LYPLAL1: variants seen among roughly 807,000 people sequenced by gnomAD.
LYPLAL1 encodes the protein lysophospholipase-like protein 1.
LYPLAL1 carries 23 observed loss-of-function variants against 19.7 expected under a neutral mutation model. The observed-to-expected ratio is 1.17, with a 90% CI of 0.84 to 1.65. The LOEUF is 1.65. LYPLAL1 is among the 40% of genes most tolerant of loss of function. LYPLAL1 has a pLI of 0.00. For missense variants in LYPLAL1, 355 were observed against 279.4 expected (o/e 1.27, Z -1.93); for synonymous variants, 119 against 96.3 (o/e 1.24, Z -1.38).
At chr1:219,443,146 A>G in the LYPLAL1 span, among the ~76,000 whole-genome samples, 1 of 151,964 alleles carries the variant, frequency 6.6e-6, no homozygotes, top group Non-Finnish European at 1.5e-5. Context: ...TTTCTTCATG[A>G]AGCAAGGTTA....
chr1:219,260,505 G>A, the LYPLAL1 span, among the ~76,000 whole-genome samples: 1 of 151,374 alleles, frequency 6.6e-6, no homozygotes, highest in Admixed American at 6.6e-5. Context: ...TGAATTACAA[G>A]AAATACTTGA....
chr1:219,212,966 A>G (rs1659153399), downstream of LYPLAL1: 1 of 152,094 alleles, frequency 6.6e-6, no homozygotes, highest in African/African-American at 2.4e-5. Context: ...AGAAATAGCC[A>G]ACTCTTTGAG....
At chr1:219,266,076 A>G in the LYPLAL1 span, among the ~76,000 whole-genome samples, 1 of 152,014 alleles carries the variant, frequency 6.6e-6, no homozygotes, top group Non-Finnish European at 1.5e-5. Context: ...AGTTAATTTA[A>G]ATTTTTTCTT....
At chr1:219,410,718 G>GTGGGCT in the LYPLAL1 span, among the ~76,000 whole-genome samples, 1,400 of 152,350 alleles carry the variant, frequency 9.2e-3, 30 homozygotes, top group African/African-American at 0.032. Flanking sequence ...CCTGGTGGGC[G>GTGGGCT]TGGGCTTGGT....
At chr1:219,370,613 G>A in the LYPLAL1 span, among the ~76,000 whole-genome samples, 3 of 152,192 alleles carry the variant, frequency 2.0e-5, no homozygotes, top group African/African-American at 7.2e-5. Flanking sequence ...AGAAGGCTGG[G>A]GATAAGATTT....
At chr1:219,231,398 G>A in the LYPLAL1 span, among the ~76,000 whole-genome samples, 6 of 151,958 alleles carry the variant, frequency 3.9e-5, no homozygotes, top group African/African-American at 1.2e-4. Context: ...GTCATTCTCC[G>A]GACTAAAAAT....
At chr1:219,241,600 C>G in the LYPLAL1 span, among the ~76,000 whole-genome samples, 2 of 152,076 alleles carry the variant, frequency 1.3e-5, no homozygotes, top group African/African-American at 2.4e-5. Context: ...TGACCCAGTA[C>G]AATTTCTCAG....
chr1:219,399,418 T>C, the LYPLAL1 span, among the ~76,000 whole-genome samples: 1 of 152,116 alleles, frequency 6.6e-6, no homozygotes, highest in Non-Finnish European at 1.5e-5. Flanking sequence ...GCAATGGCAG[T>C]TGCCAGGATA....
Position 219,211,548 on chromosome 1 carries a change from A to G in LYPLAL1, c.534A>G (p.Ala178=). 1 of 1,613,370 alleles carries G rather than the reference A, an allele frequency of 6.2e-7. No homozygotes were observed. The highest frequency in any genetic ancestry group is 8.5e-7 in the Non-Finnish European group (1 of 1,179,468). ...AATTATTTCAGTGTCATGGTACTGC[A>G]GATGAGTTAGTTCTTCATTCTTGGG... The part of the protein sequence containing the change: ...LPELFQCHGT[A]DELVLHSWAE... Residue 178 remains alanine, a synonymous_variant, in exon 5 of 5, where the codon GCA becomes GCG. Coordinates refer to ENST00000366928, the MANE Select transcript of LYPLAL1 (RefSeq NM_138794.5).
At chr1:219,285,841 T>C in the LYPLAL1 span, among the ~76,000 whole-genome samples, 1 of 152,212 alleles carries the variant, frequency 6.6e-6, no homozygotes, top group Non-Finnish European at 1.5e-5. Context: ...TATCACTGAA[T>C]TGTGCACTTT....
intron 2 of LYPLAL1, among the ~76,000 whole-genome samples, chr1:219,189,484 G>A (rs1409319419): frequency 6.6e-6 from 1 of 151,574 alleles, no homozygotes; most frequent in African/African-American, 2.4e-5. Flanking sequence ...AACTAGTTAA[G>A]AAGCTAGTTT....
chr1:219,410,684 G>A, the LYPLAL1 span, among the ~76,000 whole-genome samples: 2 of 152,214 alleles, frequency 1.3e-5, no homozygotes, highest in East Asian at 1.9e-4. Context: ...GGCTGTGTGC[G>A]GCACTTGCGG....
At chr1:219,298,631 G>T in the LYPLAL1 span, among the ~76,000 whole-genome samples, 19 of 152,158 alleles carry the variant, frequency 1.2e-4, no homozygotes, top group African/African-American at 4.3e-4. Context: ...GAGAGTTCTC[G>T]CCAGGCAGGC....
the LYPLAL1 span, among the ~76,000 whole-genome samples, chr1:219,396,724 C>A: frequency 6.6e-6 from 1 of 152,158 alleles, no homozygotes; most frequent in African/African-American, 2.4e-5. Context: ...TTTTGCTCCC[C>A]CCTTGACTTG....
At chr1:219,223,527 C>T in the LYPLAL1 span, among the ~76,000 whole-genome samples, 1 of 152,090 alleles carries the variant, frequency 6.6e-6, no homozygotes, top group African/African-American at 2.4e-5. Context: ...GCTATCCTCT[C>T]ATTATTATGT....
the LYPLAL1 span, among the ~76,000 whole-genome samples, chr1:219,376,828 C>G: frequency 6.6e-6 from 1 of 152,212 alleles, no homozygotes; most frequent in African/African-American, 2.4e-5. Flanking sequence ...ACAAAACATA[C>G]AACAAATTTT....
intron 3 of LYPLAL1, among the ~76,000 whole-genome samples, chr1:219,203,974 A>G (rs1658334195): frequency 6.6e-6 from 1 of 152,114 alleles, no homozygotes; most frequent in Admixed American, 6.5e-5. Context: ...TTGTTTTCTA[A>G]GCTTTCTGCA....
the LYPLAL1 span, among the ~76,000 whole-genome samples, chr1:219,258,225 C>A: frequency 1.3e-5 from 2 of 152,036 alleles, no homozygotes; most frequent in Non-Finnish European, 2.9e-5. Flanking sequence ...GCACATTTTA[C>A]AATCAATTTG....
the LYPLAL1 span, among the ~76,000 whole-genome samples, chr1:219,281,247 A>C: frequency 1.3e-5 from 2 of 152,206 alleles, no homozygotes; most frequent in South Asian, 2.1e-4. Flanking sequence ...ATGTAAACAC[A>C]TGCAATTAAT....
Sources: gnomAD v4.1 joint callset for allele counts (sites outside exome capture counted in the v4.1 genomes callset) on GRCh38, gnomAD v4.1.1 for gene constraint, MANE v1.5 for transcripts, NCBI Gene and HGNC (gene_info 2026-07-23, HGNC 2026-07-21) for gene names.